KHDRBS2: variants seen among roughly 807,000 people sequenced by gnomAD.
KHDRBS2 encodes the protein KH domain-containing, RNA-binding, signal transduction-associated protein 2.
KHDRBS2 carries 26 observed loss-of-function variants against 44.3 expected under a neutral mutation model. The observed-to-expected ratio is 0.59, with a 90% CI of 0.43 to 0.81. The LOEUF (loss-of-function observed/expected upper bound fraction) is 0.81, where lower values mean the gene tolerates loss of function less well. Among genes scored for constraint, KHDRBS2 ranks in the 40% least tolerant of loss-of-function variants. The pLI is 0.00. For missense variants in KHDRBS2, 476 were observed against 433.1 expected, an observed-to-expected ratio of 1.10 and a Z score of -0.88; for synonymous variants, 194 against 151.1, an observed-to-expected ratio of 1.28 and a Z score of -2.08.
intron 3 of KHDRBS2, among the ~76,000 whole-genome samples, chr6:61,978,968 A>G (rs777526598): frequency 6.6e-6 from 1 of 151,620 alleles, no homozygotes; most frequent in Non-Finnish European, 1.5e-5. Context: ...TTTTGCACCA[A>G]CCTAATACAT....
intron 6 of KHDRBS2, among the ~76,000 whole-genome samples, chr6:61,775,458 A>T (rs1781793700): frequency 6.6e-6 from 1 of 152,162 alleles, no homozygotes; most frequent in South Asian, 2.1e-4. Flanking sequence ...GGATACAAAA[A>T]TCAATGTACA....
the KHDRBS2 span, among the ~76,000 whole-genome samples, chr6:61,589,129 G>A: frequency 6.6e-6 from 1 of 152,030 alleles, no homozygotes; most frequent in African/African-American, 2.4e-5. Context: ...ATGCATGCAG[G>A]ACATAAAATA....
intron 6 of KHDRBS2, among the ~76,000 whole-genome samples, chr6:61,786,996 C>G (rs1192066): frequency 6.7e-6 from 1 of 148,932 alleles, no homozygotes; most frequent in African/African-American, 2.4e-5. Flanking sequence ...ATATTTTATA[C>G]AATTGTCAGT....
At chr6:61,720,007 C>T (rs921714224) in intron 7 of KHDRBS2, among the ~76,000 whole-genome samples, 8 of 151,968 alleles carry the variant, frequency 5.3e-5, no homozygotes, top group African/African-American at 1.9e-4. Flanking sequence ...CAATTCCCAC[C>T]TATGAGTGAG....
At chr6:62,112,609 G>T (rs1805272364) in intron 2 of KHDRBS2, among the ~76,000 whole-genome samples, 1 of 152,116 alleles carries the variant, frequency 6.6e-6, no homozygotes, top group Non-Finnish European at 1.5e-5. Context: ...CATAATATGA[G>T]AATCCTTTTC....
intron 6 of KHDRBS2, chr6:61,816,956 T>A: frequency 2.2e-6 from 1 of 455,842 alleles, no homozygotes; most frequent in South Asian, 1.5e-5. Context: ...ACAACTTACC[T>A]GGTGAGATTT....
chr6:61,718,175 T>C (rs941947230), intron 7 of KHDRBS2, among the ~76,000 whole-genome samples: 6 of 152,154 alleles, frequency 3.9e-5, no homozygotes, highest in Non-Finnish European at 7.4e-5. Context: ...AACTGATAGC[T>C]CCAAGTAGTG....
chr6:61,908,557 C>G (rs777719544), intron 4 of KHDRBS2, among the ~76,000 whole-genome samples: 7 of 151,356 alleles, frequency 4.6e-5, no homozygotes, highest in Non-Finnish European at 1.0e-4. Flanking sequence ...TGGCATGAAC[C>G]CGGCAGGCGG....
chr6:61,834,418 T>G (rs921868621), intron 6 of KHDRBS2, among the ~76,000 whole-genome samples: 3 of 152,140 alleles, frequency 2.0e-5, no homozygotes, highest in African/African-American at 7.2e-5. Flanking sequence ...CTTAGCATTG[T>G]AAAACTAATT....
intron 6 of KHDRBS2, among the ~76,000 whole-genome samples, chr6:61,814,404 C>A (rs1376093184): frequency 1.3e-5 from 2 of 151,958 alleles, no homozygotes; most frequent in Non-Finnish European, 2.9e-5. Context: ...GTCAGGAGAT[C>A]GAGACCATCC....
At chr6:61,562,553 T>A in the KHDRBS2 span, among the ~76,000 whole-genome samples, 16 of 152,192 alleles carry the variant, frequency 1.1e-4, no homozygotes, top group African/African-American at 3.9e-4. Flanking sequence ...CTCTTTGAAA[T>A]GTATATAAAT....
At chr6:62,121,216 A>C (rs964577818) in intron 2 of KHDRBS2, among the ~76,000 whole-genome samples, 2 of 152,202 alleles carry the variant, frequency 1.3e-5, no homozygotes, top group African/African-American at 4.8e-5. Flanking sequence ...GATGAGAGCC[A>C]TTATGGTGGG....
chr6:62,086,046 A>G (rs1380486123), intron 2 of KHDRBS2, among the ~76,000 whole-genome samples: 1 of 152,192 alleles, frequency 6.6e-6, no homozygotes, highest in East Asian at 1.9e-4. Context: ...GAAACAAACA[A>G]AAGAATTACC....
At chr6:62,087,633 T>C (rs1185985647) in intron 2 of KHDRBS2, among the ~76,000 whole-genome samples, 1 of 152,222 alleles carries the variant, frequency 6.6e-6, no homozygotes, top group African/African-American at 2.4e-5. Flanking sequence ...CATTTTTTCC[T>C]TTATTTCAAG....
rs149377989 is a variant in KHDRBS2, at chr6:62,122,898, T to A, written c.219+54287A>T. On this transcript the variant is annotated intron_variant, in intron 2 of 8. Transcript: ENST00000281156. ...TATTTTATTTTATTTATTTACTTTT[T>A]GACGTTTTTTAATAAATTATACTTT... 7.6e-4 allele frequency among the ~76,000 whole-genome samples: 96 copies of A among 126,392 alleles called. 11 individuals carry two copies. The highest frequency in any genetic ancestry group is 2.7e-3 in the African/African-American group (84 of 31,038). The allele number at this position is 126,392 out of a possible 152,430, so 82.9% of individuals were successfully genotyped here. A position where few individuals can be genotyped will look rare whatever the true frequency, so the allele number is the denominator to read the frequency against.
intron 2 of KHDRBS2, among the ~76,000 whole-genome samples, chr6:62,152,910 A>C (rs1452377236): frequency 2.0e-5 from 3 of 152,206 alleles, no homozygotes; most frequent in African/African-American, 7.2e-5. Context: ...AGGCTCTTCA[A>C]ATTGCATATT....
At chr6:61,857,113 G>T (rs1314604914) in intron 6 of KHDRBS2, among the ~76,000 whole-genome samples, 1 of 151,958 alleles carries the variant, frequency 6.6e-6, no homozygotes, top group Non-Finnish European at 1.5e-5. Context: ...GTGCCAAATA[G>T]ACTTTTATTA....
chr6:61,573,737 T>G, the KHDRBS2 span, among the ~76,000 whole-genome samples: 1 of 150,970 alleles, frequency 6.6e-6, no homozygotes. Context: ...TGCAGTGAGC[T>G]GAGATTGCGC....
the KHDRBS2 span, among the ~76,000 whole-genome samples, chr6:61,578,917 G>A: frequency 6.6e-6 from 1 of 152,076 alleles, no homozygotes; most frequent in Admixed American, 6.6e-5. Context: ...GGATTTACAT[G>A]TTAGTGGTAA....
Sources: allele counts gnomAD v4.1 joint callset (sites outside exome capture counted in the v4.1 genomes callset), GRCh38; gene constraint gnomAD v4.1.1; transcripts MANE v1.5; gene names NCBI Gene and HGNC (gene_info 2026-07-23, HGNC 2026-07-21).